Variants in TNIK observed in about 807,000 individuals in gnomAD.
TNIK encodes TRAF2 and NCK interacting kinase, also known as TRAF2 and NCK-interacting protein kinase.
Under a neutral mutation model 191.3 loss-of-function variants are expected in TNIK, and 49 were observed. The ratio of observed to expected loss-of-function variants is 0.26; its 90% CI spans 0.20 to 0.32. TNIK has a LOEUF of 0.32. TNIK is among the 10% of genes least tolerant of loss of function. The pLI, the probability that TNIK is intolerant of heterozygous loss-of-function variation, is 1.00. For synonymous variants in TNIK, 594 were observed against 600.9 expected, an observed-to-expected ratio of 0.99 and a Z score of 0.17; for missense variants, 1,155 against 1,702.3, an observed-to-expected ratio of 0.68 and a Z score of 5.66.
chr3:171,194,664 T>C, intron 4 of TNIK, 29 bp from the exon 5 acceptor site: 1 of 1,601,904 alleles, frequency 6.2e-7, no homozygotes, highest in Non-Finnish European at 8.5e-7. Context: ...AAGCCATTAT[T>C]TTAATGATGC....
intron 1 of TNIK, among the ~76,000 whole-genome samples, chr3:171,430,268 A>T (rs947922906): frequency 2.6e-5 from 4 of 152,124 alleles, no homozygotes; most frequent in Non-Finnish European, 4.4e-5. Flanking sequence ...TTACCTCTAC[A>T]CCTAATTTTA....
chr3:171,239,073 G>C (rs928316397), intron 2 of TNIK, among the ~76,000 whole-genome samples: 2 of 152,010 alleles, frequency 1.3e-5, no homozygotes, highest in Non-Finnish European at 2.9e-5. Flanking sequence ...ACACAATTCT[G>C]GCTAATTATG....
At chr3:171,237,794 C>A (rs1744476686) in intron 2 of TNIK, among the ~76,000 whole-genome samples, 1 of 152,098 alleles carries the variant, frequency 6.6e-6, no homozygotes. Context: ...TAGTGGCATG[C>A]ACCTGTAGTC....
intron 28 of TNIK, among the ~76,000 whole-genome samples, chr3:171,076,820 C>A (rs1193710585): frequency 1.3e-5 from 2 of 151,976 alleles, no homozygotes; most frequent in African/African-American, 4.8e-5. Flanking sequence ...AATGTTATTC[C>A]TTGATTTTTT....
At position 171,428,394 on chromosome 3, in the gene TNIK, G is replaced by C. The variant is rs866908875; in HGVS notation, c.57+31613C>G. 4.6e-5 allele frequency among the ~76,000 whole-genome samples: 7 copies of C among 152,314 alleles called. No homozygotes were observed. The Middle Eastern group carries it at 0.014, about 296-fold the overall frequency. On this transcript the variant is annotated intron_variant, in intron 1 of 32. Transcript: ENST00000436636. ...CCCCAGAAACCAGAAAAATGGAGCA[G>C]CTCTGTATTGAGATAAGCAAGACTG...
chr3:171,312,833 A>C (rs1262231842), intron 2 of TNIK, among the ~76,000 whole-genome samples: 1 of 152,108 alleles, frequency 6.6e-6, no homozygotes, highest in Non-Finnish European at 1.5e-5. Context: ...TTCCTGAACT[A>C]TGGCTTATGG....
intron 1 of TNIK, among the ~76,000 whole-genome samples, chr3:171,379,531 C>A (rs1389581429): frequency 2.0e-5 from 3 of 152,140 alleles, no homozygotes; most frequent in Non-Finnish European, 4.4e-5. Flanking sequence ...AATGCACAAG[C>A]CCCAACTGTG....
chr3:171,183,039 T>C (rs546514846), intron 7 of TNIK, among the ~76,000 whole-genome samples: 2 of 152,312 alleles, frequency 1.3e-5, no homozygotes, highest in African/African-American at 2.4e-5. Context: ...TGGGTACAGA[T>C]AGACCCTTAG....
intron 2 of TNIK, among the ~76,000 whole-genome samples, chr3:171,335,131 G>A (rs1159853376): frequency 6.6e-6 from 1 of 151,882 alleles, no homozygotes; most frequent in Non-Finnish European, 1.5e-5. Context: ...AACTAAAAGT[G>A]ATCAGGGCAA....
chr3:171,113,065 AC>A (rs1162916352), intron 18 of TNIK, among the ~76,000 whole-genome samples: 1 of 152,234 alleles, frequency 6.6e-6, no homozygotes, highest in Non-Finnish European at 1.5e-5. Flanking sequence ...TTCACTCCAT[AC>A]AAGGTTTTAT....
At chr3:171,200,523 A>G (rs1470131893) in intron 4 of TNIK, among the ~76,000 whole-genome samples, 1 of 151,822 alleles carries the variant, frequency 6.6e-6, no homozygotes, top group Non-Finnish European at 1.5e-5. Flanking sequence ...ATGTTTTCTC[A>G]TAGAGGTTGG....
At chr3:171,306,800 A>G (rs1325495158) in intron 2 of TNIK, among the ~76,000 whole-genome samples, 1 of 152,154 alleles carries the variant, frequency 6.6e-6, no homozygotes, top group African/African-American at 2.4e-5. Context: ...CTGTGGTCAG[A>G]AGCAGCAATG....
rs147657606 is a variant in TNIK at position 171,406,442 on chromosome 3, T to A, written c.58-36757A>T. 2.0e-4 allele frequency among the ~76,000 whole-genome samples: 31 copies of A among 152,260 alleles called. 1 individual carries two copies. The highest frequency in any genetic ancestry group is 1.7e-3 in the East Asian group (9 of 5,192). ...GGGTTTGGGGTTTATTTATTTATTT[T>A]TTTTTAAGACAGGGCCTCACACTGT... On this transcript the variant is annotated intron_variant, in intron 1 of 32. Coordinates refer to ENST00000436636, the MANE Select transcript of TNIK (RefSeq NM_015028.4).
intron 28 of TNIK, among the ~76,000 whole-genome samples, chr3:171,079,219 G>T (rs908025197): frequency 6.6e-6 from 1 of 151,970 alleles, no homozygotes. Flanking sequence ...TCTTCTCTTG[G>T]TCCCACTGTC....
In TNIK at chr3:171,186,391, T is replaced by C. The variant is rs919513223; in HGVS notation, c.639+2311A>G. ...GGTATGGCTTGGTTTTGTTATTTAT[T>C]ATTTACTATTTGATTTGTCTAAGAT... is the stretch of plus-strand genomic sequence containing the variant. On this transcript the variant is annotated intron_variant, in intron 7 of 32. Transcript: ENST00000436636. Among the ~76,000 whole-genome samples, 15 of 152,366 alleles carry C rather than the reference T, an allele frequency of 9.8e-5. No individual in the cohort carries two copies. The East Asian group carries it at 1.5e-3, about 16-fold the overall frequency.
chr3:171,345,504 G>A (rs951064683), intron 2 of TNIK, among the ~76,000 whole-genome samples: 11 of 151,518 alleles, frequency 7.3e-5, no homozygotes, highest in African/African-American at 2.7e-4. Flanking sequence ...GGCTCACAAA[G>A]AAAGCCCTAG....
chr3:171,115,500 C>G (rs545225046), intron 18 of TNIK, among the ~76,000 whole-genome samples: 32 of 152,256 alleles, frequency 2.1e-4, no homozygotes, highest in Middle Eastern at 3.4e-3. Flanking sequence ...GTTTGGGGAA[C>G]CATTAGTGCA....
chr3:171,157,340 A>G (rs1733324822), intron 12 of TNIK, 120 bp downstream of exon 12: 1 of 1,244,742 alleles, frequency 8.0e-7, no homozygotes, highest in African/African-American at 1.5e-5. Flanking sequence ...CTTGCAGTCA[A>G]CCCCTTTGTG....
At chr3:171,117,897 G>C (rs1414443567) in intron 18 of TNIK, among the ~76,000 whole-genome samples, 1 of 152,182 alleles carries the variant, frequency 6.6e-6, no homozygotes, top group African/African-American at 2.4e-5. Flanking sequence ...CTGAACCTGG[G>C]AGGTGGAGGT....
Sources: gnomAD v4.1 joint callset for allele counts (sites outside exome capture counted in the v4.1 genomes callset) on GRCh38, gnomAD v4.1.1 for gene constraint, MANE v1.5 for transcripts, NCBI Gene and HGNC (gene_info 2026-07-23, HGNC 2026-07-21) for gene names.